HHLA2: variants seen among roughly 807,000 people sequenced by gnomAD.
HHLA2 encodes HERV-H LTR-associating protein 2.
HHLA2 carries 48 observed loss-of-function variants against 45.9 expected under a neutral mutation model. The observed-to-expected ratio is 1.05, with a 90% CI of 0.83 to 1.33. HHLA2 has a LOEUF of 1.33. Among genes scored for constraint, HHLA2 ranks in the 40% most tolerant of loss-of-function variants. The pLI is 0.00. For missense variants in HHLA2, 462 were observed against 494.3 expected, an observed-to-expected ratio of 0.93 and a Z score of 0.62; for synonymous variants, 161 against 173.9, an observed-to-expected ratio of 0.93 and a Z score of 0.59.
intron 5 of HHLA2, among the ~76,000 whole-genome samples, chr3:108,354,746 C>T (rs1375472564): frequency 6.6e-6 from 1 of 152,106 alleles, no homozygotes; most frequent in African/African-American, 2.4e-5. Context: ...CAAATAGGTG[C>T]TCTGAGTCAG....
At chr3:108,335,369 G>A (rs543292423) in intron 3 of HHLA2, among the ~76,000 whole-genome samples, 1 of 152,266 alleles carries the variant, frequency 6.6e-6, no homozygotes, top group South Asian at 2.1e-4. Context: ...AAGCTATTGA[G>A]TACAAAGGAT....
chr3:108,356,006 C>T (rs968643308), intron 6 of HHLA2, among the ~76,000 whole-genome samples: 26 of 149,580 alleles, frequency 1.7e-4, no homozygotes, highest in African/African-American at 6.4e-4. Context: ...TCTCCATATC[C>T]AAGTCCAAGA....
chr3:108,314,356 A>AC (rs987422662), intron 2 of HHLA2, among the ~76,000 whole-genome samples: 1 of 151,500 alleles, frequency 6.6e-6, no homozygotes, highest in African/African-American at 2.4e-5. Flanking sequence ...AAAAAAAAAA[A>AC]ATTCCTACTC....
At chr3:108,328,589 G>A (rs2081330942) in intron 3 of HHLA2, among the ~76,000 whole-genome samples, 1 of 152,138 alleles carries the variant, frequency 6.6e-6, no homozygotes, top group Non-Finnish European at 1.5e-5. Flanking sequence ...TTGAATCCAA[G>A]TAGTAAGAGA....
chr3:108,346,741 T>A (rs1200133990), intron 3 of HHLA2, among the ~76,000 whole-genome samples: 1 of 152,212 alleles, frequency 6.6e-6, no homozygotes, highest in Non-Finnish European at 1.5e-5. Context: ...GAAATGGTTT[T>A]GAGCGTTACT....
Position 108,368,535 on chromosome 3 carries a change from C to CAAAAAAAAAAAAAAA in HHLA2, c.1108+6110_1108+6124dup, listed in dbSNP as rs55718572. 1.4e-3 allele frequency among the ~76,000 whole-genome samples: 9 copies of CAAAAAAAAAAAAAAA among 6,620 alleles called. 1 individual carries two copies. The highest frequency in any genetic ancestry group is 3.2e-3 in the African/African-American group (5 of 1,544). The allele number at this position is 6,620 out of a possible 152,430, so 4.3% of individuals were successfully genotyped here. A position where few individuals can be genotyped will look rare whatever the true frequency, so the allele number is the denominator to read the frequency against. ...GAATATTTACCAAGCAAACGAAGAG[C>CAAAAAAAAAAAAAAA]AAAAAAAAAAAAAAAAAAAAAAAAA... On this transcript the variant is annotated intron_variant, in intron 8 of 10. Transcript: ENST00000619531.
At chr3:108,351,253 C>T (rs1180508905) in intron 3 of HHLA2, among the ~76,000 whole-genome samples, 26 of 152,074 alleles carry the variant, frequency 1.7e-4, no homozygotes, top group Non-Finnish European at 7.4e-5. Context: ...AATATATTTT[C>T]AGGTTTTAGT....
At chr3:108,357,213 A>C (rs1414759252) in intron 6 of HHLA2, among the ~76,000 whole-genome samples, 1 of 152,158 alleles carries the variant, frequency 6.6e-6, no homozygotes, top group East Asian at 1.9e-4. Flanking sequence ...CAGGGGGAAC[A>C]GTCCATGACA....
At chr3:108,296,740 A>G (rs2080767306) in intron 1 of HHLA2, 141 bp downstream of exon 1, 1 of 152,384 alleles carries the variant, frequency 6.6e-6, no homozygotes, top group East Asian at 1.9e-4. Flanking sequence ...GATTTAGTGC[A>G]TATACTATGT....
intron 1 of HHLA2, among the ~76,000 whole-genome samples, chr3:108,299,545 G>A (rs1232060915): frequency 6.6e-6 from 1 of 151,952 alleles, no homozygotes; most frequent in African/African-American, 2.4e-5. Context: ...AAATTCAGGG[G>A]TGGAACAGAA....
At chr3:108,375,629 C>T (rs938394556) in intron 8 of HHLA2, 121 bp from the exon 8 acceptor site, 6 of 1,258,550 alleles carry the variant, frequency 4.8e-6, no homozygotes, top group Non-Finnish European at 6.4e-6. Flanking sequence ...CACGAAAAAC[C>T]CTTCAAAGAA....
intron 1 of HHLA2, among the ~76,000 whole-genome samples, chr3:108,309,403 C>G (rs1344831011): frequency 4.6e-5 from 7 of 152,028 alleles, no homozygotes; most frequent in Non-Finnish European, 1.5e-5. Context: ...ACTGTTTTGA[C>G]TATTATAGCT....
At chr3:108,358,063 T>C in exon 7 of HHLA2, 3 of 1,613,700 alleles carry the variant, frequency 1.9e-6, no homozygotes, top group Non-Finnish European at 2.5e-6. Flanking sequence ...GACTTCTCTA[T>C]GAATTTGATG....
chr3:108,345,068 G>C lies in HHLA2; in HGVS notation c.-26-6720G>C, dbSNP rs751663304. On this transcript the variant is annotated intron_variant, in intron 3 of 10. Coordinates refer to ENST00000619531, the Ensembl canonical transcript of HHLA2. The stretch of plus-strand genomic sequence containing the variant: ...GGGAACCAACCCCTCCCAAGATGGG[G>C]AATTGAGGGCAAGTAAAGAGAGCAG... Among the ~76,000 whole-genome samples the C allele has an allele frequency of 1.1e-4, 16 of 152,168 alleles. 1 individual carries two copies. The highest frequency in any genetic ancestry group is 6.2e-4 in the South Asian group (3 of 4,826).
intron 8 of HHLA2, among the ~76,000 whole-genome samples, chr3:108,372,055 A>G (rs1432997297): frequency 6.6e-6 from 1 of 152,218 alleles, no homozygotes; most frequent in Non-Finnish European, 1.5e-5. Context: ...ACCTATTCCA[A>G]AATTGACCAC....
intron 6 of HHLA2, among the ~76,000 whole-genome samples, 193 bp downstream of exon 5, chr3:108,355,574 G>A (rs2081875089): frequency 6.6e-6 from 1 of 152,180 alleles, no homozygotes; most frequent in South Asian, 2.1e-4. Flanking sequence ...TCTTACTTTT[G>A]AGCATTAGTA....
chr3:108,338,383 T>C (rs62266211), intron 3 of HHLA2, among the ~76,000 whole-genome samples: 6,117 of 152,144 alleles, frequency 0.04, 181 homozygotes, highest in Non-Finnish European at 0.054. Flanking sequence ...TAGCATTACA[T>C]AGAATAGCAG....
intron 3 of HHLA2, 44 bp from the exon 3 acceptor site, chr3:108,351,744 G>A (rs757741704): frequency 1.2e-5 from 15 of 1,224,086 alleles, no homozygotes; most frequent in Admixed American, 1.9e-5. Context: ...ATTCCCTTTT[G>A]CATTTTAAAT....
chr3:108,328,197 T>C (rs2081322095), intron 2 of HHLA2: 1 of 651,424 alleles, frequency 1.5e-6, no homozygotes. Context: ...CCAAAGGGAA[T>C]TTGTTTTTAT....
Sources: allele counts gnomAD v4.1 joint callset (sites outside exome capture counted in the v4.1 genomes callset), GRCh38; gene constraint gnomAD v4.1.1; transcripts MANE v1.5; gene names NCBI Gene and HGNC (gene_info 2026-07-23, HGNC 2026-07-21).